The following UNC13C variants were observed in gnomAD, a reference collection of about 807,000 sequenced individuals.
UNC13C encodes unc-13 homolog C.
In UNC13C, 174 loss-of-function variants were observed where a neutral mutation model predicts 245.4. The ratio of observed to expected loss-of-function variants is 0.71; its 90% confidence interval spans 0.63 to 0.80. The LOEUF is 0.80. Among genes scored for constraint, UNC13C ranks in the 30% least tolerant of loss-of-function variants. UNC13C has a pLI of 0.00. For missense variants in UNC13C, 2,829 were observed against 2,602.9 expected (o/e 1.09, Z -1.89); for synonymous variants, 992 against 895.1 (o/e 1.11, Z -1.93).
Position 54,013,076 on chromosome 15 carries a change from C to G in UNC13C, c.173C>G (p.Thr58Ser), listed in dbSNP as rs779967285. 6.2e-7 allele frequency: 1 copy of G among 1,613,876 alleles called. No individual in the cohort carries two copies. The highest frequency in any genetic ancestry group is 2.2e-5 in the East Asian group (1 of 44,884). ...ACCAAATCCCCCAAATTTTCTTACA[C>G]TTTTAAAAGCACTGTAAAGAAGATT... ...GQTKSPKFSY[T>S]FKSTVKKIAK... Residue 58 changes from threonine (T) to serine (S), a missense_variant, in exon 2 of 33, where the codon ACT becomes AGT. Thr to Ser is a moderately conservative substitution (Grantham distance 58, BLOSUM62 1). Coordinates refer to ENST00000260323, the MANE Select transcript of UNC13C (RefSeq NM_001080534.3).
chr15:54,252,701 T>A (rs2036183650), intron 8 of UNC13C, among the ~76,000 whole-genome samples: 1 of 152,168 alleles, frequency 6.6e-6, no homozygotes, highest in Admixed American at 6.5e-5. Flanking sequence ...ATTTCATGAA[T>A]GCCAACACTG....
intron 2 of UNC13C, among the ~76,000 whole-genome samples, chr15:54,081,966 T>C (rs1898966304): frequency 6.6e-6 from 1 of 152,192 alleles, no homozygotes; most frequent in African/African-American, 2.4e-5. Context: ...TCATTTCTTA[T>C]AGGGCTGGTC....
intron 18 of UNC13C, among the ~76,000 whole-genome samples, chr15:54,402,072 A>AAAAG: frequency 6.6e-6 from 1 of 152,016 alleles, no homozygotes; most frequent in South Asian, 2.1e-4. Context: ...TGTAAAAAAA[A>AAAAG]AAAAAAAAAT....
chr15:54,453,423 A>T (rs191016728), intron 19 of UNC13C, among the ~76,000 whole-genome samples: 10 of 152,334 alleles, frequency 6.6e-5, no homozygotes, highest in Non-Finnish European at 1.3e-4. Flanking sequence ...TATTTGTTAG[A>T]TGCCTCTAGT....
chr15:54,365,762 GAA>G (rs796539719), intron 17 of UNC13C, among the ~76,000 whole-genome samples: 1 of 134,012 alleles, frequency 7.5e-6, no homozygotes, highest in African/African-American at 2.7e-5. Context: ...AAGAAAAAAA[GAA>G]AAAAAAAAAA....
chr15:54,265,211 A>G (rs767036284), intron 9 of UNC13C, 144 bp from the exon 10 acceptor site: 20 of 570,900 alleles, frequency 3.5e-5, no homozygotes, highest in Non-Finnish European at 4.2e-5. Flanking sequence ...ATTTTTTTAA[A>G]GTTCTGTGAG....
At chr15:53,853,471 C>T in the UNC13C span, among the ~76,000 whole-genome samples, 1 of 152,130 alleles carries the variant, frequency 6.6e-6, no homozygotes, top group Admixed American at 6.5e-5. Context: ...CATACGTATG[C>T]ATGTGTCTTT....
chr15:54,334,430 T>C (rs978944046), intron 16 of UNC13C, among the ~76,000 whole-genome samples: 4 of 152,142 alleles, frequency 2.6e-5, no homozygotes, highest in South Asian at 2.1e-4. Flanking sequence ...GTGCAACTTA[T>C]GTAAAGCATT....
At chr15:54,595,655 G>A (rs760328636) in intron 30 of UNC13C, among the ~76,000 whole-genome samples, 1 of 152,150 alleles carries the variant, frequency 6.6e-6, no homozygotes, top group Non-Finnish European at 1.5e-5. Context: ...TAAGGCAATT[G>A]TGTTCAGATC....
At chr15:54,381,620 A>G (rs2039726806) in intron 17 of UNC13C, among the ~76,000 whole-genome samples, 1 of 151,954 alleles carries the variant, frequency 6.6e-6, no homozygotes, top group African/African-American at 2.4e-5. Context: ...TGTCTTTTTA[A>G]ATTTCTTTTA....
At chr15:54,072,129 G>A (rs1898357873) in intron 2 of UNC13C, among the ~76,000 whole-genome samples, 1 of 152,036 alleles carries the variant, frequency 6.6e-6, no homozygotes, top group African/African-American at 2.4e-5. Context: ...CTAGTTCTGG[G>A]AGTGGAAAGC....
the UNC13C span, among the ~76,000 whole-genome samples, chr15:53,952,714 A>T: frequency 6.6e-6 from 1 of 152,208 alleles, no homozygotes; most frequent in Non-Finnish European, 1.5e-5. Flanking sequence ...CTGGCACTTG[A>T]TTGAAGCTAG....
rs773539884 is a variant in UNC13C at position 54,015,508 on chromosome 15, G to A, written c.2605G>A (p.Glu869Lys). The change falls in exon 2 of 33, where the codon GAA (glutamate) becomes AAA (lysine). Residue 869 changes from glutamate to lysine, a missense_variant. Glu to Lys is a moderately conservative substitution (Grantham distance 56). Transcript: ENST00000260323. ...AGCAGAGGATGAGGAAGATTATACT[G>A]AACCAGTGGCTGACAATGAAACAGA... ...YKAEDEEDYTEPVADNETDYV... is the reference protein window; with the variant it reads ...YKAEDEEDYTKPVADNETDYV... 1.2e-6 allele frequency: 2 copies of A among 1,612,774 alleles called. No homozygotes were observed. The highest frequency in any genetic ancestry group is 4.5e-5 in the East Asian group (2 of 44,832).
chr15:54,539,141 A>G (rs1896128200), intron 26 of UNC13C, among the ~76,000 whole-genome samples: 1 of 152,094 alleles, frequency 6.6e-6, no homozygotes, highest in South Asian at 2.1e-4. Flanking sequence ...GAAATAACTC[A>G]TAGGAAAATA....
intron 19 of UNC13C, among the ~76,000 whole-genome samples, chr15:54,415,990 A>G (rs572337614): frequency 2.0e-3 from 300 of 152,338 alleles, no homozygotes; most frequent in Middle Eastern, 6.8e-3. Context: ...TTGGTAGGAC[A>G]GAGCACTAGC....
In UNC13C at chr15:54,562,411, G is replaced by C. The variant is rs1186193224; in HGVS notation, c.5959-5389G>C. Among the ~76,000 whole-genome samples, 12 of 152,084 alleles carry C rather than the reference G, an allele frequency of 7.9e-5. 1 individual carries two copies. In the South Asian group the frequency reaches 2.5e-3, roughly 32 times the overall value. On this transcript the variant is annotated intron_variant, in intron 29 of 32. Coordinates refer to ENST00000260323, the MANE Select transcript of UNC13C (RefSeq NM_001080534.3). ...ATTATAAGGATCAGAGAATCAAAGA[G>C]GTTAAGAGGATTCTAGACTCTCAGA... is the stretch of plus-strand genomic sequence containing the variant.
At chr15:54,388,191 C>CT (rs2039878185) in intron 17 of UNC13C, among the ~76,000 whole-genome samples, 1 of 152,116 alleles carries the variant, frequency 6.6e-6, no homozygotes, top group Non-Finnish European at 1.5e-5. Flanking sequence ...CCTTCCCTTC[C>CT]TTTTTTTCCT....
rs144837646 is a variant in UNC13C, at chr15:54,238,411, T to C, written c.3228+721T>C. Among the ~76,000 whole-genome samples the C allele has an allele frequency of 3.8e-3, 585 of 152,226 alleles. 7 individuals carry two copies. The highest frequency in any genetic ancestry group is 0.013 in the African/African-American group (556 of 41,546). ...TATTCATAACCTCCATAGGGTCATA[T>C]GATTACGAGTGAAGTTGGCTTGGTA... On this transcript the variant is annotated intron_variant, in intron 7 of 32. Coordinates refer to ENST00000260323, the MANE Select transcript of UNC13C (RefSeq NM_001080534.3).
At chr15:54,173,067 C>A (rs907407243) in intron 4 of UNC13C, among the ~76,000 whole-genome samples, 3 of 151,828 alleles carry the variant, frequency 2.0e-5, no homozygotes, top group Non-Finnish European at 4.4e-5. Context: ...AATTTCTGAA[C>A]TCTCTATCCT....
Sources: gnomAD v4.1 joint callset for allele counts (sites outside exome capture counted in the v4.1 genomes callset) on GRCh38, gnomAD v4.1.1 for gene constraint, MANE v1.5 for transcripts, NCBI Gene and HGNC (gene_info 2026-07-23, HGNC 2026-07-21) for gene names.